Variants in COG6 observed in about 807,000 individuals in gnomAD.
COG6 encodes conserved oligomeric Golgi complex subunit 6.
A neutral mutation model predicts 88.8 loss-of-function variants in COG6; 74 were observed. That is an observed-to-expected ratio of 0.83 (90% confidence interval 0.69 to 1.01). The LOEUF (loss-of-function observed/expected upper bound fraction) is 1.01. COG6 is among the 50% of genes least tolerant of loss of function. The pLI is 0.00. For synonymous variants in COG6, 286 were observed against 278.7 expected (o/e 1.03, Z -0.26); for missense variants, 800 against 797.9 (o/e 1.00, Z -0.03).
chr13:39,688,552 C>T (rs905063564), intron 10 of COG6, among the ~76,000 whole-genome samples: 1 of 152,116 alleles, frequency 6.6e-6, no homozygotes, highest in African/African-American at 2.4e-5. Flanking sequence ...ATTGTGAGGA[C>T]AGCACCAAGC....
chr13:39,742,565 AT>A (rs1169968330), intron 18 of COG6, among the ~76,000 whole-genome samples: 1 of 152,024 alleles, frequency 6.6e-6, no homozygotes, highest in Admixed American at 6.6e-5. Context: ...TATCCTAAAT[AT>A]ATATGCACCC....
intron 5 of COG6, among the ~76,000 whole-genome samples, chr13:39,678,857 T>G (rs1876131141): frequency 1.3e-5 from 2 of 152,174 alleles, no homozygotes; most frequent in African/African-American, 4.8e-5. Context: ...TGAGGAACTT[T>G]GCACATATGA....
chr13:39,738,875 A>G (rs1879901904), intron 18 of COG6, among the ~76,000 whole-genome samples: 1 of 152,170 alleles, frequency 6.6e-6, no homozygotes, highest in African/African-American at 2.4e-5. Context: ...AGAGCTGCAA[A>G]TAACATGAAA....
intron 18 of COG6, among the ~76,000 whole-genome samples, chr13:39,743,906 A>G (rs1286844486): frequency 2.6e-5 from 4 of 152,268 alleles, no homozygotes; most frequent in Admixed American, 2.6e-4. Flanking sequence ...TTACCCACCA[A>G]GATCAAATTG....
At chr13:39,658,469 T>C (rs1382106186) in intron 1 of COG6, among the ~76,000 whole-genome samples, 1 of 152,194 alleles carries the variant, frequency 6.6e-6, no homozygotes, top group Non-Finnish European at 1.5e-5. Context: ...TCATTTGTAC[T>C]ACTGCCATCT....
chr13:39,762,697 ATAT>A (rs1424912596), intron 18 of COG6, among the ~76,000 whole-genome samples: 2 of 151,470 alleles, frequency 1.3e-5, no homozygotes, highest in African/African-American at 4.8e-5. Flanking sequence ...CACCTTCATA[ATAT>A]TATTTTCCGT....
chr13:39,783,368 TAAC>T (rs1393640353), intron 18 of COG6, among the ~76,000 whole-genome samples: 2 of 152,200 alleles, frequency 1.3e-5, no homozygotes, highest in African/African-American at 4.8e-5. Context: ...TGTTGATGCT[TAAC>T]AACACAAAAG....
intron 18 of COG6, among the ~76,000 whole-genome samples, chr13:39,734,729 C>A (rs188332334): frequency 2.6e-5 from 4 of 152,246 alleles, no homozygotes; most frequent in Admixed American, 2.6e-4. Flanking sequence ...GTTTTGGAGT[C>A]TGTCTCTCTC....
chr13:39,783,069 C>T (rs961297137), intron 18 of COG6, among the ~76,000 whole-genome samples: 2 of 152,090 alleles, frequency 1.3e-5, no homozygotes, highest in Non-Finnish European at 2.9e-5. Flanking sequence ...GGCATAGTGG[C>T]TCACATTAAT....
At chr13:39,779,359 T>G (rs1268839483) in intron 18 of COG6, among the ~76,000 whole-genome samples, 1 of 152,202 alleles carries the variant, frequency 6.6e-6, no homozygotes, top group African/African-American at 2.4e-5. Context: ...CACGTGTGTC[T>G]CTTAAATCGA....
intron 7 of COG6, among the ~76,000 whole-genome samples, chr13:39,680,982 G>A (rs1043258755): frequency 2.0e-5 from 3 of 152,178 alleles, no homozygotes; most frequent in African/African-American, 7.2e-5. Context: ...AGTTTCCAGG[G>A]ATTAGGATGC....
At chr13:39,720,308 C>T (rs1338120134) in intron 15 of COG6, among the ~76,000 whole-genome samples, 1 of 152,020 alleles carries the variant, frequency 6.6e-6, no homozygotes, top group Non-Finnish European at 1.5e-5. Flanking sequence ...CACTTGAGTT[C>T]TTGAGTCCTA....
chr13:39,738,700 C>T (rs566091375), intron 18 of COG6, among the ~76,000 whole-genome samples: 2 of 152,164 alleles, frequency 1.3e-5, no homozygotes, highest in African/African-American at 2.4e-5. Context: ...AAAAGGATGA[C>T]AAAAGATATA....
At position 39,708,363 on chromosome 13, in the gene COG6, T is replaced by C. The variant is rs1291138838; in HGVS notation, c.1284+8745T>C. On this transcript the variant is annotated intron_variant, in intron 13 of 18. Transcript: ENST00000455146. ...TCACTCTCTTAGTCATGTATTAGAT[T>C]AACAGAAATTCTCAATTTTTAATTC... 2.6e-5 allele frequency among the ~76,000 whole-genome samples: 4 copies of C among 152,218 alleles called. No individual in the cohort carries two copies. In the East Asian group the frequency reaches 7.7e-4, roughly 29 times the overall value.
At chr13:39,771,330 G>A (rs151270528) in intron 18 of COG6, among the ~76,000 whole-genome samples, 5 of 152,260 alleles carry the variant, frequency 3.3e-5, no homozygotes, top group South Asian at 2.1e-4. Context: ...GCACTTCTTC[G>A]TCCATCGTCT....
chr13:39,774,618 A>T (rs1881411967), intron 18 of COG6, among the ~76,000 whole-genome samples: 1 of 151,686 alleles, frequency 6.6e-6, no homozygotes, highest in African/African-American at 2.4e-5. Context: ...TCTGTCACGC[A>T]GGCTGGAGTG....
Position 39,702,560 on chromosome 13 carries a change from A to G in COG6, c.1284+2942A>G, listed in dbSNP as rs370806562. ...ATATTAAAACAAGTCATTGATGAAT[A>G]CTTCCTTAACCATATAAAGAGAGAT... On this transcript the variant is annotated intron_variant, in intron 13 of 18. Transcript: ENST00000455146. 6.1e-4 allele frequency among the ~76,000 whole-genome samples: 93 copies of G among 152,160 alleles called. 2 individuals are homozygous for G. The East Asian group carries it at 0.013, about 22-fold the overall frequency.
chr13:39,685,081 A>G (rs1876561256), intron 8 of COG6, among the ~76,000 whole-genome samples: 1 of 152,000 alleles, frequency 6.6e-6, no homozygotes. Flanking sequence ...CTTCTTTACT[A>G]TTATCTTTTA....
Position 39,719,692 on chromosome 13 carries a change from G to A in COG6, c.1449G>A (p.Gln483=). The change falls in exon 15 of 19, where the codon CAG becomes CAA. Residue 483 remains glutamine (Q), a synonymous_variant. Coordinates refer to ENST00000455146, the MANE Select transcript of COG6 (RefSeq NM_020751.3). ...CATGTGTCTTGGATCCTCTCCTACAGATGTGTACTGTATCAGCCAGCAATT... is the reference window on the plus strand; with the variant it reads ...CATGTGTCTTGGATCCTCTCCTACAAATGTGTACTGTATCAGCCAGCAATT... The part of the protein sequence containing the change: ...VLSCVLDPLL[Q]MCTVSASNLG... The A allele has an allele frequency of 6.2e-7, 1 of 1,612,860 alleles. No individual in the cohort carries two copies. Among genetic ancestry groups the A allele is most frequent in the Non-Finnish European group, 8.5e-7 (1 of 1,179,188 alleles).
Sources: gnomAD v4.1 joint callset for allele counts (sites outside exome capture counted in the v4.1 genomes callset) on GRCh38, gnomAD v4.1.1 for gene constraint, MANE v1.5 for transcripts, NCBI Gene and HGNC (gene_info 2026-07-23, HGNC 2026-07-21) for gene names.